Variants in NCOR1 observed in about 807,000 individuals in gnomAD.
The protein encoded by NCOR1 is nuclear receptor corepressor 1.
In NCOR1, 63 loss-of-function variants were observed where a neutral mutation model predicts 288.1. That is an observed-to-expected ratio of 0.22 (90% CI 0.18 to 0.27). NCOR1 has a LOEUF of 0.27. NCOR1 is among the 10% of genes least tolerant of loss of function. NCOR1 has a pLI of 1.00. For synonymous variants in NCOR1, 1,007 were observed against 1,065.9 expected, an observed-to-expected ratio of 0.94 and a Z score of 1.08; for missense variants, 2,397 against 3,019.2, an observed-to-expected ratio of 0.79 and a Z score of 4.83.
At chr17:16,151,680 A>G (rs2153380551) in intron 8 of NCOR1, 1 of 1,309,638 alleles carries the variant, frequency 7.6e-7, no homozygotes, top group Non-Finnish European at 1.0e-6. Flanking sequence ...TTCAATGTTA[A>G]GTATCCACCT....
At chr17:16,037,377 C>G (rs1032939876) in intron 44 of NCOR1, among the ~76,000 whole-genome samples, 1 of 151,970 alleles carries the variant, frequency 6.6e-6, no homozygotes, top group Non-Finnish European at 1.5e-5. Flanking sequence ...TGCTGATAGA[C>G]TTGCTTGACA....
intron 3 of NCOR1, among the ~76,000 whole-genome samples, chr17:16,180,281 T>G (rs1440895747): frequency 6.6e-6 from 1 of 152,196 alleles, no homozygotes; most frequent in African/African-American, 2.4e-5. Flanking sequence ...ACAACAAATG[T>G]TGGCGAGGGT....
chr17:16,047,120 ACAAC>A lies in NCOR1; in HGVS notation c.6537-31_6537-28del, dbSNP rs753147034. The A allele has an allele frequency of 1.9e-6, 3 of 1,593,014 alleles. No individual in the cohort carries two copies. The Admixed American group carries it at 5.2e-5, about 28-fold the overall frequency. ...TGTTAGGGCCAAAGTTAAGTATATTACAACCACGTACTCCTAATCCTGGGGACAT... is the reference window on the plus strand; with the variant it reads ...TGTTAGGGCCAAAGTTAAGTATATTACACGTACTCCTAATCCTGGGGACAT... On this transcript the variant is annotated intron_variant, in intron 41 of 45. Transcript: ENST00000268712.
chr17:16,134,013 T>A (rs1457280203), intron 14 of NCOR1, among the ~76,000 whole-genome samples: 1 of 152,172 alleles, frequency 6.6e-6, no homozygotes, highest in Non-Finnish European at 1.5e-5. Context: ...TCTTCTCTTG[T>A]CTCCTTACAA....
chr17:16,039,732 C>G lies in NCOR1; in HGVS notation c.6734-78G>C, dbSNP rs150668263. 8.8e-4 allele frequency: 1,097 copies of G among 1,252,044 alleles called. 12 individuals carry two copies. In the African/African-American group the frequency reaches 0.015, roughly 17 times the overall value. The allele number at this position is 1,252,044 out of a possible 1,614,324, so 77.6% of individuals were successfully genotyped here. A position where few individuals can be genotyped will look rare whatever the true frequency, so the allele number is the denominator to read the frequency against. On this transcript the variant is annotated intron_variant, in intron 43 of 45. Transcript: ENST00000268712. ...ACAAACATGCATTGCCCCATCAGCC[C>G]ACTGAATACACACAGCACTTGGCAA...
chr17:16,163,171 T>C (rs1454653111), intron 5 of NCOR1, among the ~76,000 whole-genome samples: 2 of 152,002 alleles, frequency 1.3e-5, no homozygotes. Flanking sequence ...AAAAACAAAC[T>C]GGACTTCAAC....
chr17:16,187,628 G>A (rs1008203776), intron 2 of NCOR1, among the ~76,000 whole-genome samples: 1 of 151,906 alleles, frequency 6.6e-6, no homozygotes, highest in African/African-American at 2.4e-5. Flanking sequence ...TCCAGGCTGG[G>A]TGCTATGGCT....
chr17:16,077,439 TAAGGAAAGGGAAGGAGAGGAGAGGG>T, intron 26 of NCOR1, among the ~76,000 whole-genome samples: 1 of 100,722 alleles, frequency 9.9e-6, no homozygotes, highest in South Asian at 3.6e-4. Flanking sequence ...AAAGGAAAGG[TAAGGAAAGGGAAGGAGAGGAGAGGG>T]GAGGAGAGGG....
intron 22 of NCOR1, among the ~76,000 whole-genome samples, chr17:16,087,665 A>C (rs2064458939): frequency 6.6e-6 from 1 of 152,224 alleles, no homozygotes; most frequent in African/African-American, 2.4e-5. Flanking sequence ...CTGTTAATTC[A>C]AATCTGGCCT....
At chr17:16,081,521 C>T (rs1356333935) in intron 23 of NCOR1, among the ~76,000 whole-genome samples, 1 of 152,080 alleles carries the variant, frequency 6.6e-6, no homozygotes, top group East Asian at 1.9e-4. Flanking sequence ...AATCATAGTG[C>T]AAACCTATGG....
At chr17:16,095,908 T>A (rs2066514130) in intron 21 of NCOR1, among the ~76,000 whole-genome samples, 1 of 152,016 alleles carries the variant, frequency 6.6e-6, no homozygotes, top group Admixed American at 6.5e-5. Flanking sequence ...GGGAAAAGAT[T>A]GAGAAATCGG....
At chr17:16,046,276 T>A (rs552111576) in intron 42 of NCOR1, among the ~76,000 whole-genome samples, 3 of 152,278 alleles carry the variant, frequency 2.0e-5, no homozygotes, top group Admixed American at 1.3e-4. Context: ...GGGCAAGGCA[T>A]GAATTAAAAG....
At position 16,182,478 on chromosome 17, in the gene NCOR1, G is replaced by A. The variant is rs148981747; in HGVS notation, c.242+4076C>T. 6.7e-3 allele frequency among the ~76,000 whole-genome samples: 1,015 copies of A among 151,812 alleles called. 6 individuals are homozygous for A. Among genetic ancestry groups the A allele is most frequent in the Middle Eastern group, 0.02 (6 of 294 alleles). ...CTTATTTATTTTTTTTGTTTGAGAC[G>A]GAGTCTCGCTCTGTCACCCAGGATG... On this transcript the variant is annotated intron_variant, in intron 3 of 45. Coordinates refer to ENST00000268712, the MANE Select transcript of NCOR1 (RefSeq NM_006311.4).
In NCOR1 at chr17:16,101,418, G is replaced by A. The variant is rs746196374; in HGVS notation, c.2522C>T (p.Thr841Ile). 3.1e-6 allele frequency: 5 copies of A among 1,614,140 alleles called. No homozygotes were observed. The South Asian group carries it at 5.5e-5, about 18-fold the overall frequency. The change falls in exon 20 of 46, where the codon ACC (threonine) becomes ATC (isoleucine). Residue 841 changes from threonine (T) to isoleucine (I), a missense_variant. Physicochemically the swap from Thr to Ile is moderately conservative, Grantham distance 89. Coordinates refer to ENST00000268712, the MANE Select transcript of NCOR1 (RefSeq NM_006311.4). ...GGCTCTATCCAAGTCTCTTTCTTTG[G>A]TATTATCACCTTCAACTTTAGATGC... is the stretch of plus-strand genomic sequence containing the variant. Reference protein sequence around the residue: ...NHASKVEGDNTKERDLDRASE... With the variant: ...NHASKVEGDNIKERDLDRASE...
intron 26 of NCOR1, among the ~76,000 whole-genome samples, chr17:16,078,042 C>A (rs982943415): frequency 7.9e-5 from 12 of 152,324 alleles, no homozygotes; most frequent in Admixed American, 5.9e-4. Flanking sequence ...TTTTCACCAT[C>A]ATCAATCCTC....
Position 16,058,475 on chromosome 17 carries a change from C to T in NCOR1, c.6006G>A (p.Ala2002=), listed in dbSNP as rs773358417. ...TGGTAGCTTAAGAAGACATACTTTCCGCTTGATTTGCCTTAACAACCTCTG... is the reference window on the plus strand; with the variant it reads ...TGGTAGCTTAAGAAGACATACTTTCTGCTTGATTTGCCTTAACAACCTCTG... ...YQPEVVKANQ[A]ENDPTRQYEG... Residue 2002 remains alanine, a synonymous_variant, in exon 38 of 46, where the codon GCG becomes GCA. Transcript: ENST00000268712. The T allele has an allele frequency of 1.9e-5, 30 of 1,610,966 alleles. No individual in the cohort carries two copies. The highest frequency in any genetic ancestry group is 1.1e-4 in the African/African-American group (8 of 74,520).
intron 1 of NCOR1, among the ~76,000 whole-genome samples, chr17:16,196,465 T>C (rs1485209628): frequency 6.6e-6 from 1 of 152,016 alleles, no homozygotes; most frequent in East Asian, 1.9e-4. Flanking sequence ...AGGCCAGGCG[T>C]TCAAGACCAG....
intron 1 of NCOR1, among the ~76,000 whole-genome samples, chr17:16,196,300 T>C (rs1177899467): frequency 6.6e-6 from 1 of 152,016 alleles, no homozygotes; most frequent in Non-Finnish European, 1.5e-5. Context: ...TCCCAGTTTT[T>C]ATCAATATAT....
intron 42 of NCOR1, 56 bp from the exon 43 acceptor site, chr17:16,040,550 C>T: frequency 6.9e-7 from 1 of 1,447,326 alleles, no homozygotes; most frequent in South Asian, 1.2e-5. Context: ...ATATACCAAA[C>T]TAAAGTCTCA....
Sources: allele counts gnomAD v4.1 joint callset (sites outside exome capture counted in the v4.1 genomes callset), GRCh38; gene constraint gnomAD v4.1.1; transcripts MANE v1.5; gene names NCBI Gene and HGNC (gene_info 2026-07-23, HGNC 2026-07-21).